The following KCTD16 variants were observed in gnomAD, a reference collection of about 807,000 sequenced individuals.
KCTD16 encodes the protein potassium channel tetramerization domain containing 16.
In KCTD16, 13 loss-of-function variants were observed where a neutral mutation model predicts 33.2. That is an observed-to-expected ratio of 0.39 (90% CI 0.25 to 0.62). The LOEUF is 0.62. KCTD16 is among the 20% of genes least tolerant of loss of function. The pLI, the probability that KCTD16 is intolerant of heterozygous loss-of-function variation, is 0.50. For synonymous variants in KCTD16, 197 were observed against 195.3 expected (o/e 1.01, Z -0.07); for missense variants, 441 against 525.1 (o/e 0.84, Z 1.57).
chr5:144,282,958 A>G (rs1755646856), intron 3 of KCTD16, among the ~76,000 whole-genome samples: 1 of 152,080 alleles, frequency 6.6e-6, no homozygotes. Flanking sequence ...AAATTAAACT[A>G]AATCATTATT....
chr5:144,225,930 A>G lies in KCTD16; in HGVS notation c.832+18384A>G, dbSNP rs149580946. ...CTATTATAGCAGCAAGCTTGCAACC[A>G]AAAAACTAGAAAGAAAAACTTATTC... On this transcript the variant is annotated intron_variant, in intron 3 of 3. Coordinates refer to ENST00000512467, the MANE Select transcript of KCTD16 (RefSeq NM_020768.4). 3.5e-3 allele frequency among the ~76,000 whole-genome samples: 536 copies of G among 152,324 alleles called. 5 individuals are homozygous for G. The highest frequency in any genetic ancestry group is 0.012 in the African/African-American group (512 of 41,576).
At chr5:144,349,974 C>T (rs1274983858) in intron 3 of KCTD16, among the ~76,000 whole-genome samples, 1 of 152,200 alleles carries the variant, frequency 6.6e-6, no homozygotes, top group Admixed American at 6.5e-5. Flanking sequence ...AGACTCAACA[C>T]ACTCCAAACA....
chr5:144,203,987 C>T (rs1395964972), intron 2 of KCTD16, among the ~76,000 whole-genome samples: 1 of 152,128 alleles, frequency 6.6e-6, no homozygotes, highest in Non-Finnish European at 1.5e-5. Flanking sequence ...GCATTAAAAT[C>T]CTAATGATTG....
At chr5:144,209,787 A>AATAT (rs10628313) in intron 3 of KCTD16, among the ~76,000 whole-genome samples, 19,475 of 140,878 alleles carry the variant, frequency 0.14, 1,663 homozygotes, top group African/African-American at 0.23. Context: ...CTTAGGGGGA[A>AATAT]ATATATATAT....
intron 3 of KCTD16, among the ~76,000 whole-genome samples, chr5:144,369,092 T>C (rs1263619583): frequency 6.6e-6 from 1 of 152,082 alleles, no homozygotes; most frequent in African/African-American, 2.4e-5. Context: ...GCTTGCTTTG[T>C]GTGAGAGAGA....
intron 3 of KCTD16, among the ~76,000 whole-genome samples, chr5:144,278,786 C>T (rs779793559): frequency 2.0e-5 from 3 of 152,058 alleles, no homozygotes; most frequent in Non-Finnish European, 4.4e-5. Context: ...CGTGAGCCAC[C>T]GTGCCTGGCC....
At chr5:144,313,480 T>C (rs935879454) in intron 3 of KCTD16, among the ~76,000 whole-genome samples, 5 of 152,152 alleles carry the variant, frequency 3.3e-5, no homozygotes, top group African/African-American at 1.2e-4. Context: ...ACTAAAATAT[T>C]GTAAGGTTTT....
Position 144,473,621 on chromosome 5 carries a change from G to A in KCTD16, c.833-39G>A, listed in dbSNP as rs568390179. 12 of 1,539,306 alleles carry A rather than the reference G, an allele frequency of 7.8e-6. No homozygotes were observed. The South Asian group carries it at 1.2e-4, about 16-fold the overall frequency. On this transcript the variant is annotated intron_variant, in intron 3 of 3. Transcript: ENST00000512467. ...CTATACTGCTACTCCAACTGACCTGGCTGGCATTAATCCTTTGGGTCCTTT... is the reference window on the plus strand; with the variant it reads ...CTATACTGCTACTCCAACTGACCTGACTGGCATTAATCCTTTGGGTCCTTT...
chr5:144,362,387 T>C (rs1025429610), intron 3 of KCTD16, among the ~76,000 whole-genome samples: 1 of 152,118 alleles, frequency 6.6e-6, no homozygotes, highest in Non-Finnish European at 1.5e-5. Context: ...ATGTGATAGA[T>C]CCTCCTCTAG....
chr5:144,252,223 C>A (rs2126831902), intron 3 of KCTD16, among the ~76,000 whole-genome samples: 1 of 152,280 alleles, frequency 6.6e-6, no homozygotes, highest in South Asian at 2.1e-4. Flanking sequence ...ATTCACCCAG[C>A]ATATAACTGA....
chr5:144,274,424 G>T (rs1476078125), intron 3 of KCTD16, among the ~76,000 whole-genome samples: 2 of 152,166 alleles, frequency 1.3e-5, no homozygotes, highest in African/African-American at 4.8e-5. Flanking sequence ...CCAAGGCATG[G>T]TGATTCAGTC....
intron 3 of KCTD16, among the ~76,000 whole-genome samples, chr5:144,295,572 C>T (rs1053648646): frequency 1.3e-5 from 2 of 152,168 alleles, no homozygotes; most frequent in African/African-American, 4.8e-5. Context: ...CAGTCATTGA[C>T]TATGGGCCAC....
rs1167490704 is a variant in KCTD16, at chr5:144,482,956, A to G, written c.*8842A>G. On this transcript the variant is annotated 3_prime_UTR_variant, in exon 4 of 4. Coordinates refer to ENST00000512467, the MANE Select transcript of KCTD16 (RefSeq NM_020768.4). ...GTTCTAATTTCCAAAATTCTCTTCC[A>G]CTAAAAGTGGATATATTTATTTATG... The G allele has an allele frequency of 6.6e-6, 1 of 151,712 alleles. No individual in the cohort carries two copies. Among genetic ancestry groups the G allele is most frequent in the Non-Finnish European group, 1.5e-5 (1 of 67,880 alleles). The allele number at this position is 151,712 out of a possible 1,614,324, so 9.4% of individuals were successfully genotyped here. A position where few individuals can be genotyped will look rare whatever the true frequency, so the allele number is the denominator to read the frequency against.
intron 3 of KCTD16, among the ~76,000 whole-genome samples, chr5:144,240,599 G>A (rs918482911): frequency 1.3e-5 from 2 of 151,968 alleles, no homozygotes; most frequent in Non-Finnish European, 2.9e-5. Flanking sequence ...AAATGTTTCC[G>A]CTAATATTCT....
chr5:144,371,971 C>CTCAAATT (rs1751977226), intron 3 of KCTD16, among the ~76,000 whole-genome samples: 1 of 151,988 alleles, frequency 6.6e-6, no homozygotes, highest in Non-Finnish European at 1.5e-5. Context: ...TTTTTTTACT[C>CTCAAATT]TGTTATCAAA....
chr5:144,230,845 A>G (rs1362197892), intron 3 of KCTD16, among the ~76,000 whole-genome samples: 3 of 152,236 alleles, frequency 2.0e-5, no homozygotes, highest in Non-Finnish European at 4.4e-5. Flanking sequence ...GTCGTATAGA[A>G]TAAGAAGTTT....
intron 3 of KCTD16, among the ~76,000 whole-genome samples, chr5:144,210,634 A>G (rs1331170746): frequency 6.6e-6 from 1 of 152,182 alleles, no homozygotes; most frequent in Non-Finnish European, 1.5e-5. Context: ...GAACTATGTA[A>G]TCTGCAAAAG....
chr5:144,175,874 G>GA (rs1752495990), intron 2 of KCTD16, among the ~76,000 whole-genome samples: 1 of 152,152 alleles, frequency 6.6e-6, no homozygotes, highest in Non-Finnish European at 1.5e-5. Flanking sequence ...ATTTCTTCAG[G>GA]AAAAATTGTC....
intron 3 of KCTD16, among the ~76,000 whole-genome samples, chr5:144,213,977 T>C (rs7733538): frequency 0.07 from 10,685 of 152,226 alleles, 1,165 homozygotes; most frequent in African/African-American, 0.23. Context: ...AGAATCATTT[T>C]GGGTAGAAAA....
Sources: gnomAD v4.1 joint callset for allele counts (sites outside exome capture counted in the v4.1 genomes callset) on GRCh38, gnomAD v4.1.1 for gene constraint, MANE v1.5 for transcripts, NCBI Gene and HGNC (gene_info 2026-07-23, HGNC 2026-07-21) for gene names.